The following PPM1E variants were observed in gnomAD, a reference collection of about 807,000 sequenced individuals.
PPM1E encodes the protein protein phosphatase 1E.
Under a neutral mutation model 65.9 loss-of-function variants are expected in PPM1E, and 20 were observed. The ratio of observed to expected loss-of-function variants is 0.30; its 90% CI spans 0.21 to 0.44. PPM1E has a LOEUF of 0.44. Ranked by LOEUF, PPM1E falls within the 20% of genes least tolerant of loss-of-function variation. PPM1E has a pLI of 1.00. For missense variants in PPM1E, 713 were observed against 953.1 expected (o/e 0.75, Z 3.32); for synonymous variants, 352 against 374.9 (o/e 0.94, Z 0.70).
intron 1 of PPM1E, among the ~76,000 whole-genome samples, chr17:58,895,075 A>C (rs536716128): frequency 3.0e-4 from 45 of 152,148 alleles, no homozygotes; most frequent in African/African-American, 5.1e-4. Flanking sequence ...CAAACTTCTT[A>C]TTATTATTAT....
chr17:58,933,754 C>T (rs2051936310), intron 1 of PPM1E, among the ~76,000 whole-genome samples: 1 of 149,580 alleles, frequency 6.7e-6, no homozygotes, highest in African/African-American at 2.5e-5. Flanking sequence ...CGAGATCGCA[C>T]CATTGCACTC....
At chr17:58,917,984 A>C (rs563331875) in intron 1 of PPM1E, among the ~76,000 whole-genome samples, 80 of 152,356 alleles carry the variant, frequency 5.3e-4, no homozygotes, top group African/African-American at 1.8e-3. Context: ...TCCTGAAAAT[A>C]GTTTCTCAGA....
intron 1 of PPM1E, among the ~76,000 whole-genome samples, chr17:58,821,264 A>C (rs956213417): frequency 6.6e-6 from 1 of 151,834 alleles, no homozygotes; most frequent in African/African-American, 2.4e-5. Flanking sequence ...GCGCCCGCCA[A>C]CACGCCTGGC....
Position 58,756,221 on chromosome 17 carries a change from C to T in PPM1E, c.224C>T (p.Ala75Val). 6.4e-7 allele frequency: 1 copy of T among 1,554,128 alleles called. No homozygotes were observed. Among genetic ancestry groups the T allele is most frequent in the Non-Finnish European group, 8.7e-7 (1 of 1,148,508 alleles). ...GGGGAGGAGGCGGCCACGGTAGCCG[C>T]GACGGAGGAGGGGGACCAGGAGCAA... ...EPGEEAATVA[A>V]TEEGDQEQDP... The change falls in exon 1 of 7, where the codon GCG (alanine) becomes GTG (valine). Residue 75 changes from alanine (A) to valine (V), a missense_variant. Physicochemically the swap from Ala to Val is moderately conservative, Grantham distance 64. Transcript: ENST00000308249.
chr17:58,882,011 A>G (rs1389237292), intron 1 of PPM1E, among the ~76,000 whole-genome samples: 1 of 150,874 alleles, frequency 6.6e-6, no homozygotes, highest in Non-Finnish European at 1.5e-5. Context: ...AAAAAAAAAA[A>G]AAAAAAAAAA....
intron 1 of PPM1E, among the ~76,000 whole-genome samples, chr17:58,845,801 C>T (rs2050765360): frequency 6.6e-6 from 1 of 152,204 alleles, no homozygotes; most frequent in Non-Finnish European, 1.5e-5. Flanking sequence ...CTGCCTCAGC[C>T]TCCCAAGTAG....
intron 1 of PPM1E, among the ~76,000 whole-genome samples, chr17:58,878,151 A>G (rs899643427): frequency 2.0e-5 from 3 of 152,214 alleles, no homozygotes; most frequent in Non-Finnish European, 2.9e-5. Flanking sequence ...ATGTCAAGTA[A>G]GCCATTAATT....
chr17:58,882,188 A>G (rs2051203468), intron 1 of PPM1E, among the ~76,000 whole-genome samples: 1 of 151,890 alleles, frequency 6.6e-6, no homozygotes, highest in South Asian at 2.1e-4. Context: ...AAAAAAAGAA[A>G]AGAAAGAAGT....
intron 1 of PPM1E, among the ~76,000 whole-genome samples, chr17:58,768,224 C>A (rs1297233592): frequency 6.6e-6 from 1 of 151,990 alleles, no homozygotes; most frequent in Non-Finnish European, 1.5e-5. Context: ...AGTGCTAGGA[C>A]TACAGGCATG....
chr17:58,794,701 A>G (rs1042898452), intron 1 of PPM1E, among the ~76,000 whole-genome samples: 5 of 152,104 alleles, frequency 3.3e-5, no homozygotes, highest in African/African-American at 1.2e-4. Flanking sequence ...GCTTAGGATA[A>G]TGGCCTTGAG....
intron 1 of PPM1E, among the ~76,000 whole-genome samples, chr17:58,778,931 T>C (rs199892961): frequency 1.8e-4 from 11 of 61,194 alleles, no homozygotes; most frequent in East Asian, 1.6e-3. Context: ...TACATACATA[T>C]ATATATATAT....
At chr17:58,958,175 A>C (rs1224295270) in intron 2 of PPM1E, among the ~76,000 whole-genome samples, 2 of 151,894 alleles carry the variant, frequency 1.3e-5, no homozygotes, top group Admixed American at 6.6e-5. Flanking sequence ...GAAATATCAC[A>C]GTGTAAAAAT....
intron 1 of PPM1E, among the ~76,000 whole-genome samples, chr17:58,791,200 A>G (rs1278251304): frequency 6.6e-6 from 1 of 152,072 alleles, no homozygotes; most frequent in Non-Finnish European, 1.5e-5. Context: ...CCTGAGAATG[A>G]ATTGTTTTAA....
At chr17:58,888,529 A>G (rs1414294618) in intron 1 of PPM1E, among the ~76,000 whole-genome samples, 1 of 151,664 alleles carries the variant, frequency 6.6e-6, no homozygotes, top group African/African-American at 2.4e-5. Flanking sequence ...GCGCCTGGCT[A>G]ATTTTTGTAT....
intron 1 of PPM1E, among the ~76,000 whole-genome samples, chr17:58,787,805 G>T (rs1215041478): frequency 6.6e-6 from 1 of 151,354 alleles, no homozygotes; most frequent in Non-Finnish European, 1.5e-5. Flanking sequence ...TACTCGGGAG[G>T]CTGAGGCAGG....
chr17:58,980,866 C>T lies in PPM1E; in HGVS notation c.2103C>T (p.Gly701=), dbSNP rs2031316215. The T allele has an allele frequency of 6.2e-7, 1 of 1,614,166 alleles. No individual in the cohort carries two copies. The highest frequency in any genetic ancestry group is 2.2e-5 in the East Asian group (1 of 44,872). ...CTCAAGAGCCTTCCCACAAAATAGG[C>T]ACTAGCCTGTCCTCACTTACTGGAA... ...LSAQEPSHKI[G]TSLSSLTGSG... The change falls in exon 7 of 7, where the codon GGC becomes GGT. Residue 701 remains glycine (G), a synonymous_variant. Transcript: ENST00000308249. The surrounding 1 kb of genome is among the most constrained non-coding windows in gnomAD (Gnocchi z 4.7).
At chr17:58,825,258 AC>A (rs1567844878) in intron 1 of PPM1E, among the ~76,000 whole-genome samples, 15 of 151,530 alleles carry the variant, frequency 9.9e-5, no homozygotes, top group South Asian at 2.1e-4. Context: ...ACACACACAC[AC>A]ACACAAAAAT....
intron 1 of PPM1E, among the ~76,000 whole-genome samples, chr17:58,806,867 G>GTT (rs5821248): frequency 0.23 from 34,182 of 145,632 alleles, 5,030 homozygotes; most frequent in Middle Eastern, 0.41. Context: ...GCCCTGCTGT[G>GTT]TTTTTTTTTT....
chr17:58,948,680 G>A (rs930882096), intron 1 of PPM1E, among the ~76,000 whole-genome samples: 1 of 152,010 alleles, frequency 6.6e-6, no homozygotes, highest in South Asian at 2.1e-4. Context: ...ATACTGCTTT[G>A]GCTGAGTCCC....
Sources: allele counts gnomAD v4.1 joint callset (sites outside exome capture counted in the v4.1 genomes callset), GRCh38; gene constraint gnomAD v4.1.1; non-coding constraint Gnocchi (gnomAD v3.1); transcripts MANE v1.5; gene names NCBI Gene and HGNC (gene_info 2026-07-23, HGNC 2026-07-21).